Variants in CTTNBP2 observed in about 807,000 individuals in gnomAD.
The protein encoded by CTTNBP2 is cortactin-binding protein 2.
In CTTNBP2, 108 loss-of-function variants were observed where a neutral mutation model predicts 156.9. The ratio of observed to expected loss-of-function variants is 0.69; its 90% CI spans 0.59 to 0.81. CTTNBP2 has a LOEUF of 0.81. Among genes scored for constraint, CTTNBP2 ranks in the 30% least tolerant of loss-of-function variants. The probability of loss-of-function intolerance (pLI) is 0.00; values close to 1 mark genes in which losing one functional copy is unlikely to be tolerated. For synonymous variants in CTTNBP2, 767 were observed against 751.8 expected (o/e 1.02, Z -0.33); for missense variants, 1,924 against 2,035.4 (o/e 0.95, Z 1.05).
chr7:117,767,421 C>T (rs1797544053), intron 8 of CTTNBP2, among the ~76,000 whole-genome samples: 1 of 152,084 alleles, frequency 6.6e-6, no homozygotes, highest in Non-Finnish European at 1.5e-5. Flanking sequence ...AGAACAGCTT[C>T]TTAGGTTGCA....
chr7:117,873,234 G>T, intron 1 of CTTNBP2, 101 bp downstream of exon 1: 1 of 918,810 alleles, frequency 1.1e-6, no homozygotes, highest in South Asian at 3.3e-5. Context: ...CCGGGCTTAC[G>T]GAACGCCCCG....
intron 2 of CTTNBP2, among the ~76,000 whole-genome samples, chr7:117,838,492 T>C (rs1213739690): frequency 1.3e-5 from 2 of 152,056 alleles, no homozygotes; most frequent in African/African-American, 4.8e-5. Context: ...TTTGTTACTA[T>C]AAAGAAAAAG....
chr7:117,864,006 CTT>C (rs888883600), intron 1 of CTTNBP2, among the ~76,000 whole-genome samples: 20 of 151,996 alleles, frequency 1.3e-4, no homozygotes, highest in African/African-American at 4.3e-4. Context: ...ATTTTATTGT[CTT>C]GTTTCTCCAA....
intron 2 of CTTNBP2, among the ~76,000 whole-genome samples, chr7:117,854,940 G>C (rs1803190629): frequency 6.6e-6 from 1 of 152,024 alleles, no homozygotes; most frequent in Non-Finnish European, 1.5e-5. Flanking sequence ...GTGTGCCACT[G>C]CACCTGGCTA....
At position 117,777,731 on chromosome 7, in the gene CTTNBP2, G is replaced by C. The variant is rs139403520; in HGVS notation, c.2558C>G (p.Thr853Ser). The change falls in exon 8 of 23, where the codon ACT becomes AGT. Residue 853 changes from threonine (T) to serine (S), a missense_variant. Transcript: ENST00000160373. ...GWTPVHAAVD[T>S]GNVDSLKLLM... ...AAGCTTGAGGCTGTCCACATTACCA[G>C]TGTCCACAGCTGCGTGAACTGGTGT... is the stretch of plus-strand genomic sequence containing the variant. The C allele has an allele frequency of 8.7e-6, 14 of 1,613,866 alleles. No homozygotes were observed. In the East Asian group the frequency reaches 2.9e-4, roughly 33 times the overall value.
rs1562947961 is a variant in CTTNBP2 at position 117,718,248 on chromosome 7, G to A, written c.4645-129C>T. On this transcript the variant is annotated intron_variant, in intron 21 of 22. Transcript: ENST00000160373. Reference sequence around the variant, plus strand: ...TCCTCTTCCCTGCCCCTCAAGTCCTGAACTGTTCACATGAAAGAAAGACTT... The same window carrying A: ...TCCTCTTCCCTGCCCCTCAAGTCCTAAACTGTTCACATGAAAGAAAGACTT... The A allele has an allele frequency of 7.5e-6, 4 of 533,128 alleles. No homozygotes were observed. In the East Asian group the frequency reaches 1.2e-4, roughly 17 times the overall value. 33.0% of individuals were successfully genotyped at this position (533,128 alleles called of 1,614,324 possible).
intron 2 of CTTNBP2, among the ~76,000 whole-genome samples, chr7:117,830,500 T>C (rs1462926710): frequency 3.9e-5 from 6 of 152,202 alleles, no homozygotes; most frequent in African/African-American, 7.2e-5. Flanking sequence ...GCGTCTGGCA[T>C]TCCTAATCTT....
chr7:117,750,920 T>C (rs1445347946), intron 12 of CTTNBP2, among the ~76,000 whole-genome samples: 1 of 152,218 alleles, frequency 6.6e-6, no homozygotes, highest in African/African-American at 2.4e-5. Flanking sequence ...ATTACAGTCT[T>C]AATTGTAGTT....
intron 8 of CTTNBP2, among the ~76,000 whole-genome samples, chr7:117,773,379 T>A (rs1797898321): frequency 6.6e-6 from 1 of 152,088 alleles, no homozygotes; most frequent in Non-Finnish European, 1.5e-5. Context: ...TAACAATGCA[T>A]CAGGCAGATT....
At chr7:117,731,552 C>T (rs1393283881) in intron 16 of CTTNBP2, among the ~76,000 whole-genome samples, 1 of 152,212 alleles carries the variant, frequency 6.6e-6, no homozygotes, top group East Asian at 1.9e-4. Flanking sequence ...TACAGAATAA[C>T]CAGCTAACAC....
intron 4 of CTTNBP2, among the ~76,000 whole-genome samples, chr7:117,787,366 AG>A (rs1798756496): frequency 6.6e-6 from 1 of 152,206 alleles, no homozygotes; most frequent in Non-Finnish European, 1.5e-5. Context: ...GGCAGAGGGA[AG>A]GAGTGAGAAC....
Position 117,791,733 on chromosome 7 carries a change from G to A in CTTNBP2, c.1463C>T (p.Ala488Val). The A allele has an allele frequency of 6.2e-7, 1 of 1,614,186 alleles. No homozygotes were observed. The highest frequency in any genetic ancestry group is 8.5e-7 in the Non-Finnish European group (1 of 1,180,034). ...SRDNLVAKQL[A>V]RNTVTQALSR... ...CAGTGCTTGGGTCACAGTATTCCGA[G>A]CTAGTTGTTTGGCCACTAGGTTGTC... The change falls in exon 4 of 23, where the codon GCT (alanine) becomes GTT (valine). Residue 488 changes from alanine to valine, a missense_variant. Transcript: ENST00000160373.
At chr7:117,870,228 C>T (rs1288811415) in intron 1 of CTTNBP2, among the ~76,000 whole-genome samples, 1 of 152,210 alleles carries the variant, frequency 6.6e-6, no homozygotes, top group Non-Finnish European at 1.5e-5. Context: ...AAAGATCATA[C>T]TCATGATGCC....
intron 2 of CTTNBP2, among the ~76,000 whole-genome samples, chr7:117,848,020 T>C (rs1037939129): frequency 6.6e-6 from 1 of 152,032 alleles, no homozygotes; most frequent in Non-Finnish European, 1.5e-5. Flanking sequence ...GGTTTCACCA[T>C]GTTGGCCAGG....
intron 14 of CTTNBP2, among the ~76,000 whole-genome samples, chr7:117,743,590 C>T (rs1036141673): frequency 1.7e-4 from 25 of 151,286 alleles, no homozygotes; most frequent in East Asian, 5.8e-4. Flanking sequence ...GGTGAAACCC[C>T]GTCTCTACTA....
intron 3 of CTTNBP2, among the ~76,000 whole-genome samples, chr7:117,796,580 C>A (rs570779705): frequency 6.6e-6 from 1 of 152,254 alleles, no homozygotes; most frequent in African/African-American, 2.4e-5. Flanking sequence ...TCTGTATGAT[C>A]CTAATTATGT....
chr7:117,827,854 A>T (rs989764217), intron 2 of CTTNBP2, among the ~76,000 whole-genome samples: 1 of 152,206 alleles, frequency 6.6e-6, no homozygotes, highest in African/African-American at 2.4e-5. Context: ...TCCCTTTTAT[A>T]GCTCCAAGAA....
At chr7:117,862,253 T>C (rs1200517318) in intron 1 of CTTNBP2, among the ~76,000 whole-genome samples, 1 of 140,588 alleles carries the variant, frequency 7.1e-6, no homozygotes, top group Non-Finnish European at 1.5e-5. Context: ...CTGGAGTAAG[T>C]GAGCCTTCCA....
intron 3 of CTTNBP2, among the ~76,000 whole-genome samples, chr7:117,810,294 T>C (rs773200316): frequency 1.3e-5 from 2 of 152,182 alleles, no homozygotes; most frequent in Non-Finnish European, 2.9e-5. Flanking sequence ...ATTTTCTTCA[T>C]GTTATTTTCA....
Sources: gnomAD v4.1 joint callset for allele counts (sites outside exome capture counted in the v4.1 genomes callset) on GRCh38, gnomAD v4.1.1 for gene constraint, MANE v1.5 for transcripts, NCBI Gene and HGNC (gene_info 2026-07-23, HGNC 2026-07-21) for gene names.